Variants in HDDC2 observed in about 807,000 individuals in gnomAD.
HDDC2 encodes the protein HD domain containing 2, also known as 5'-deoxynucleotidase HDDC2.
HDDC2 carries 25 observed loss-of-function variants against 25.5 expected under a neutral mutation model. The observed-to-expected ratio is 0.98, with a 90% CI of 0.72 to 1.37. The LOEUF is 1.37. Among genes scored for constraint, HDDC2 ranks in the 40% most tolerant of loss-of-function variants. The probability of loss-of-function intolerance (pLI) is 0.00; values close to 1 mark genes in which losing one functional copy is unlikely to be tolerated. For synonymous variants in HDDC2, 106 were observed against 89.7 expected (o/e 1.18, Z -1.03); for missense variants, 264 against 253.1 (o/e 1.04, Z -0.29).
At chr6:125,297,393 A>C in intron 3 of HDDC2, 1 of 392,454 alleles carries the variant, frequency 2.5e-6, no homozygotes, top group Non-Finnish European at 4.5e-6. Flanking sequence ...CAGGAAGAAC[A>C]CATTCCTTAT....
chr6:125,294,527 A>G (rs2115115107), intron 3 of HDDC2, among the ~76,000 whole-genome samples: 1 of 152,342 alleles, frequency 6.6e-6, no homozygotes, highest in Non-Finnish European at 1.5e-5. Flanking sequence ...TATTTTCACA[A>G]ATTAACTGTG....
chr6:125,284,735 C>T (rs1583050645), intron 4 of HDDC2, among the ~76,000 whole-genome samples: 1 of 152,192 alleles, frequency 6.6e-6, no homozygotes, highest in Non-Finnish European at 1.5e-5. Context: ...ATTAGTTCAA[C>T]CACTGTGGAA....
chr6:125,297,615 C>G (rs59008814), intron 3 of HDDC2: 70,623 of 402,654 alleles, frequency 0.18, 6,816 homozygotes, highest in African/African-American at 0.3. Flanking sequence ...TTTTCCCCCA[C>G]AAGCTCCAGT....
At chr6:125,293,013 A>T in intron 3 of HDDC2, 104 bp from the exon 4 acceptor site, 1 of 894,238 alleles carries the variant, frequency 1.1e-6, no homozygotes, top group South Asian at 1.3e-5. Context: ...CAACTCTCAC[A>T]GGGGCAGCAG....
At chr6:125,277,285 T>G in intron 4 of HDDC2, 45 bp from the exon 5 acceptor site, 1 of 1,587,580 alleles carries the variant, frequency 6.3e-7, no homozygotes, top group Non-Finnish European at 8.6e-7. Context: ...CGCTGCATAA[T>G]AGGGTATCCT....
At chr6:125,301,100 A>G (rs1027280749) in intron 1 of HDDC2, among the ~76,000 whole-genome samples, 1 of 152,170 alleles carries the variant, frequency 6.6e-6, no homozygotes, top group Admixed American at 6.5e-5. Flanking sequence ...GGGCACTTCT[A>G]ATTGCTTGAT....
At chr6:125,284,173 T>A (rs1198735728) in intron 4 of HDDC2, among the ~76,000 whole-genome samples, 1 of 152,194 alleles carries the variant, frequency 6.6e-6, no homozygotes, top group Non-Finnish European at 1.5e-5. Flanking sequence ...CAAGATGGAT[T>A]AAAGATTTAA....
chr6:125,276,948 CT>C (rs1289203957), intron 5 of HDDC2, 153 bp downstream of exon 5: 15 of 713,312 alleles, frequency 2.1e-5, no homozygotes, highest in Non-Finnish European at 3.3e-5. Flanking sequence ...TCCTCAGCCT[CT>C]TACCCGAATG....
intron 4 of HDDC2, among the ~76,000 whole-genome samples, chr6:125,281,356 G>A (rs1251666624): frequency 3.3e-5 from 5 of 152,196 alleles, no homozygotes; most frequent in Admixed American, 2.6e-4. Context: ...GGGAGAATGA[G>A]TTGGACAAAT....
chr6:125,276,216 T>C lies in HDDC2; in HGVS notation c.545A>G (p.Gln182Arg), dbSNP rs890369496. Residue 182 changes from glutamine (Q) to arginine (R), a missense_variant, in exon 6 of 6, where the codon CAG (glutamine) becomes CGG (arginine). Coordinates refer to ENST00000398153, the MANE Select transcript of HDDC2 (RefSeq NM_016063.3). ...AGKFNHPEIVQLVSELEAERS... is the reference protein window; with the variant it reads ...AGKFNHPEIVRLVSELEAERS... ...TTCTGCCTCAAGTTCAGAAACAAGCTGGACTATCTCAGGGTGATTGAATTT... is the reference window on the plus strand; with the variant it reads ...TTCTGCCTCAAGTTCAGAAACAAGCCGGACTATCTCAGGGTGATTGAATTT... 6.2e-7 allele frequency: 1 copy of C among 1,614,164 alleles called. No individual in the cohort carries two copies. The highest frequency in any genetic ancestry group is 8.5e-7 in the Non-Finnish European group (1 of 1,179,988).
intron 3 of HDDC2, among the ~76,000 whole-genome samples, chr6:125,294,742 T>C (rs959840492): frequency 6.6e-6 from 1 of 152,214 alleles, no homozygotes; most frequent in East Asian, 1.9e-4. Context: ...CAGTGATATA[T>C]GTATGATCTG....
chr6:125,301,603 G>A (rs968233080), intron 1 of HDDC2, among the ~76,000 whole-genome samples: 3 of 152,014 alleles, frequency 2.0e-5, no homozygotes, highest in Non-Finnish European at 2.9e-5. Flanking sequence ...CGGACCTCGC[G>A]GCGCCAGGCT....
chr6:125,296,113 T>TA (rs34477519), intron 3 of HDDC2, among the ~76,000 whole-genome samples: 3,130 of 140,424 alleles, frequency 0.022, 97 homozygotes, highest in African/African-American at 0.076. Flanking sequence ...CAACCATAGA[T>TA]AAAAAAAAAA....
At chr6:125,291,529 G>A (rs1209334530) in intron 4 of HDDC2, among the ~76,000 whole-genome samples, 1 of 152,128 alleles carries the variant, frequency 6.6e-6, no homozygotes, top group Non-Finnish European at 1.5e-5. Context: ...GATGGATGAG[G>A]ACTCTAAATA....
chr6:125,297,547 G>A, intron 3 of HDDC2: 1 of 403,484 alleles, frequency 2.5e-6, no homozygotes, highest in Non-Finnish European at 4.3e-6. Context: ...AGATCAAAAT[G>A]GAGTTTCTTA....
rs200935429 is a variant in HDDC2 at position 125,289,182 on chromosome 6, G to T, written c.378+3659C>A. Among the ~76,000 whole-genome samples, 9 of 134,244 alleles carry T rather than the reference G, an allele frequency of 6.7e-5. No homozygotes were observed. In the East Asian group the frequency reaches 1.9e-3, roughly 28 times the overall value. The allele number at this position is 134,244 out of a possible 152,430, so 88.1% of individuals were successfully genotyped here. ...AATGATGAGTTCATGTCCTTTGTAG[G>T]GACATGGATGAAACTGGAAACCATC... On this transcript the variant is annotated intron_variant, in intron 4 of 5. Transcript: ENST00000398153.
At chr6:125,284,378 C>T (rs1027664523) in intron 4 of HDDC2, among the ~76,000 whole-genome samples, 1 of 152,242 alleles carries the variant, frequency 6.6e-6, no homozygotes, top group East Asian at 1.9e-4. Context: ...GAACAGGCAA[C>T]CTACAGAATG....
At chr6:125,283,325 G>T (rs535638704) in intron 4 of HDDC2, among the ~76,000 whole-genome samples, 9 of 152,268 alleles carry the variant, frequency 5.9e-5, no homozygotes, top group East Asian at 5.8e-4. Context: ...GGGCAATCAG[G>T]CAAGAGAAAG....
intron 4 of HDDC2, among the ~76,000 whole-genome samples, chr6:125,285,577 C>T (rs1798522016): frequency 6.6e-6 from 1 of 151,634 alleles, no homozygotes; most frequent in Admixed American, 6.6e-5. Flanking sequence ...CATACAGATA[C>T]AGAAGAGTCC....
Sources: allele counts gnomAD v4.1 joint callset (sites outside exome capture counted in the v4.1 genomes callset), GRCh38; gene constraint gnomAD v4.1.1; transcripts MANE v1.5; gene names NCBI Gene and HGNC (gene_info 2026-07-23, HGNC 2026-07-21).